GMDS: variants seen among roughly 807,000 people sequenced by gnomAD.
GMDS encodes the protein GDP-mannose 4,6 dehydratase.
In GMDS, 20 loss-of-function variants were observed where a neutral mutation model predicts 49.9. That is an observed-to-expected ratio of 0.40 (90% CI 0.28 to 0.58). GMDS has a LOEUF of 0.58. Among genes scored for constraint, GMDS ranks in the 20% least tolerant of loss-of-function variants. GMDS has a pLI of 0.42. For missense variants in GMDS, 362 were observed against 481.4 expected (o/e 0.75, Z 2.32); for synonymous variants, 177 against 178.6 (o/e 0.99, Z 0.07).
intron 1 of GMDS, among the ~76,000 whole-genome samples, chr6:2,227,632 T>G (rs555167534): frequency 1.3e-5 from 2 of 152,348 alleles, no homozygotes; most frequent in Admixed American, 1.3e-4. Flanking sequence ...TTGCACTGGA[T>G]GCAGGGAGTG....
rs1780561459 is a variant in GMDS, at chr6:2,221,032, C to T, written c.102+24289G>A. On this transcript the variant is annotated intron_variant, in intron 1 of 10. Transcript: ENST00000380815. ...TCTATACAGAAATTTTTTAATTAGC[C>T]AGGCATGGTAATGTACACCTGTAGT... Among the ~76,000 whole-genome samples, 4 of 152,130 alleles carry T rather than the reference C, an allele frequency of 2.6e-5. No homozygotes were observed. In the South Asian group the frequency reaches 8.3e-4, roughly 32 times the overall value.
At chr6:2,035,732 G>A (rs1349244707) in intron 4 of GMDS, among the ~76,000 whole-genome samples, 1 of 151,924 alleles carries the variant, frequency 6.6e-6, no homozygotes, top group African/African-American at 2.4e-5. Context: ...TGTCACCCAG[G>A]CTGGAGTGCA....
chr6:1,976,221 T>C (rs548924999), intron 4 of GMDS, among the ~76,000 whole-genome samples: 1 of 152,314 alleles, frequency 6.6e-6, no homozygotes, highest in Admixed American at 6.5e-5. Context: ...ATTAAATTAA[T>C]AGAAAAGAAG....
chr6:2,121,593 T>C (rs991803028), intron 2 of GMDS, among the ~76,000 whole-genome samples: 14 of 152,060 alleles, frequency 9.2e-5, no homozygotes, highest in Admixed American at 3.3e-4. Flanking sequence ...GCTTCAGGAG[T>C]CTAAATGTGC....
At chr6:1,733,109 G>T (rs936912075) in intron 8 of GMDS, among the ~76,000 whole-genome samples, 10 of 152,180 alleles carry the variant, frequency 6.6e-5, no homozygotes, top group African/African-American at 2.4e-4. Context: ...CCTCTGGATG[G>T]GGAGGGGATG....
chr6:1,845,108 T>C (rs1239259876), intron 7 of GMDS, among the ~76,000 whole-genome samples: 1 of 152,244 alleles, frequency 6.6e-6, no homozygotes, highest in African/African-American at 2.4e-5. Flanking sequence ...TAGAAACATC[T>C]GAAATAATGG....
At chr6:1,707,745 T>C (rs1025103836) in intron 9 of GMDS, among the ~76,000 whole-genome samples, 1 of 152,222 alleles carries the variant, frequency 6.6e-6, no homozygotes, top group African/African-American at 2.4e-5. Context: ...GAAAGACACA[T>C]GTGAGTAGCA....
intron 8 of GMDS, among the ~76,000 whole-genome samples, chr6:1,728,491 A>G (rs1766671390): frequency 6.6e-6 from 1 of 152,200 alleles, no homozygotes; most frequent in South Asian, 2.1e-4. Context: ...GTAGCTGGCC[A>G]CGCTGACTTA....
At chr6:2,052,602 T>C (rs1770484566) in intron 4 of GMDS, among the ~76,000 whole-genome samples, 1 of 152,244 alleles carries the variant, frequency 6.6e-6, no homozygotes. Flanking sequence ...GCCAGAGTCC[T>C]AATTTTGTTC....
Position 1,630,977 on chromosome 6 carries a change from C to A in GMDS, c.988-6437G>T, listed in dbSNP as rs1161068498. ...AGCATTCCAGGCTTCAAAGCCAGCA[C>A]CATGTTGGTCGGAAATTACTGGTTA... On this transcript the variant is annotated intron_variant, in intron 9 of 10. Transcript: ENST00000380815. 2.6e-5 allele frequency among the ~76,000 whole-genome samples: 4 copies of A among 152,142 alleles called. No individual in the cohort carries two copies. In the South Asian group the frequency reaches 8.3e-4, roughly 32 times the overall value.
chr6:1,883,410 A>T (rs1398201884), intron 7 of GMDS, among the ~76,000 whole-genome samples: 1 of 152,212 alleles, frequency 6.6e-6, no homozygotes, highest in Non-Finnish European at 1.5e-5. Context: ...AAATAAAATG[A>T]TAATAATAAT....
At chr6:2,009,569 C>A (rs964958018) in intron 4 of GMDS, among the ~76,000 whole-genome samples, 16 of 152,258 alleles carry the variant, frequency 1.1e-4, no homozygotes, top group African/African-American at 3.9e-4. Context: ...TATGTTAGAT[C>A]TGAGCACAGA....
At chr6:2,211,950 A>C (rs940576420) in intron 1 of GMDS, among the ~76,000 whole-genome samples, 2 of 152,252 alleles carry the variant, frequency 1.3e-5, no homozygotes, top group East Asian at 3.8e-4. Flanking sequence ...TTCGTCACCT[A>C]AAATTTAACT....
chr6:2,194,050 A>C (rs1779176282), intron 1 of GMDS, among the ~76,000 whole-genome samples: 3 of 151,932 alleles, frequency 2.0e-5, no homozygotes, highest in East Asian at 3.9e-4. Flanking sequence ...AAAAAAAAAG[A>C]AGCATTATAA....
intron 9 of GMDS, among the ~76,000 whole-genome samples, chr6:1,668,694 A>G (rs2569837): frequency 0.99 from 150,728 of 152,220 alleles, 74,641 homozygotes; most frequent in East Asian, 1. Context: ...GCAACAGAGT[A>G]AGACTCTGTC....
At chr6:1,984,876 A>G (rs1765449324) in intron 4 of GMDS, among the ~76,000 whole-genome samples, 1 of 152,198 alleles carries the variant, frequency 6.6e-6, no homozygotes, top group Admixed American at 6.5e-5. Flanking sequence ...CTGGGTAGGA[A>G]TGGCCCAAAA....
At chr6:1,923,375 G>A (rs561332683) in intron 7 of GMDS, among the ~76,000 whole-genome samples, 1 of 152,326 alleles carries the variant, frequency 6.6e-6, no homozygotes, top group East Asian at 1.9e-4. Flanking sequence ...GACCAACCGA[G>A]TTGATAACAC....
intron 1 of GMDS, among the ~76,000 whole-genome samples, chr6:2,228,100 T>A (rs1285405407): frequency 2.0e-5 from 3 of 152,190 alleles, no homozygotes; most frequent in African/African-American, 7.2e-5. Flanking sequence ...CTTTAGGAAC[T>A]TTTCCTAGAG....
chr6:2,005,051 C>T (rs561647455), intron 4 of GMDS, among the ~76,000 whole-genome samples: 3 of 152,214 alleles, frequency 2.0e-5, no homozygotes, highest in South Asian at 2.1e-4. Flanking sequence ...TTAAGAAGTA[C>T]TTAAGGGTGC....
Sources: gnomAD v4.1 joint callset for allele counts (sites outside exome capture counted in the v4.1 genomes callset) on GRCh38, gnomAD v4.1.1 for gene constraint, MANE v1.5 for transcripts, NCBI Gene and HGNC (gene_info 2026-07-23, HGNC 2026-07-21) for gene names.